CDRT4: variants seen among roughly 807,000 people sequenced by gnomAD.
CDRT4 encodes the protein CMT1A duplicated region transcript 4 protein.
For missense variants in CDRT4, 167 were observed against 193.1 expected (o/e 0.87, Z 0.80); for synonymous variants, 64 against 69.6 (o/e 0.92, Z 0.40).
intron 1 of CDRT4, among the ~76,000 whole-genome samples, chr17:15,465,003 GAC>G (rs573283060): frequency 2.1e-5 from 3 of 142,180 alleles, no homozygotes; most frequent in East Asian, 2.2e-4. Flanking sequence ...ACGCAATACA[GAC>G]ACACACAACA....
intron 2 of CDRT4, among the ~76,000 whole-genome samples, chr17:15,447,843 G>A (rs1979094069): frequency 6.6e-6 from 1 of 152,068 alleles, no homozygotes; most frequent in Admixed American, 6.6e-5. Flanking sequence ...GACATTTTTG[G>A]GGTAGGCTTG....
chr17:15,440,122 G>T lies in CDRT4; in HGVS notation c.31+86C>A, dbSNP rs1373780000. 4.0e-6 allele frequency: 5 copies of T among 1,258,050 alleles called. No individual in the cohort carries two copies. In the African/African-American group the frequency reaches 6.2e-5, roughly 16 times the overall value. The allele number at this position is 1,258,050 out of a possible 1,614,324, so 77.9% of individuals were successfully genotyped here. On this transcript the variant is annotated intron_variant, in intron 3 of 3. Transcript: ENST00000619038. ...ATATTAAAAAAAAAAAAGAGTGGCC[G>T]CCCAGTGGCCTCTTCCCACTGCGAA...
chr17:15,439,642 G>A (rs1329158112), intron 3 of CDRT4, among the ~76,000 whole-genome samples: 2 of 152,166 alleles, frequency 1.3e-5, no homozygotes, highest in African/African-American at 4.8e-5. Context: ...ACCATAACAA[G>A]AGTGGCTGCC....
chr17:15,458,379 G>C (rs1326130673), intron 1 of CDRT4, among the ~76,000 whole-genome samples: 1 of 152,122 alleles, frequency 6.6e-6, no homozygotes, highest in South Asian at 2.1e-4. Flanking sequence ...GGCCTGAACT[G>C]AATTGTTGGA....
chr17:15,461,328 G>T (rs1979738016), intron 1 of CDRT4, among the ~76,000 whole-genome samples: 1 of 152,250 alleles, frequency 6.6e-6, no homozygotes, highest in African/African-American at 2.4e-5. Context: ...CCTTAAGGAA[G>T]TCGGCCTCTG....
At chr17:15,440,911 C>T (rs1309614050) in intron 2 of CDRT4, among the ~76,000 whole-genome samples, 2 of 152,104 alleles carry the variant, frequency 1.3e-5, no homozygotes, top group Non-Finnish European at 2.9e-5. Context: ...GCTGAGCCCA[C>T]CTCCAGAACT....
intron 1 of CDRT4, among the ~76,000 whole-genome samples, chr17:15,454,970 G>C (rs931640281): frequency 3.3e-5 from 5 of 152,114 alleles, no homozygotes; most frequent in African/African-American, 7.2e-5. Context: ...CAAGAACCCT[G>C]AACTATTGGT....
chr17:15,440,544 A>G (rs1978712169), intron 2 of CDRT4, among the ~76,000 whole-genome samples: 1 of 151,932 alleles, frequency 6.6e-6, no homozygotes, highest in South Asian at 2.1e-4. Flanking sequence ...CAGTCTCCTA[A>G]CTTTAAAGGA....
chr17:15,456,276 G>T (rs1979476500), intron 1 of CDRT4, among the ~76,000 whole-genome samples: 1 of 152,164 alleles, frequency 6.6e-6, no homozygotes, highest in South Asian at 2.1e-4. Context: ...GACTAGAGGG[G>T]TTGCAGGTGG....
intron 3 of CDRT4, 102 bp from the exon 4 acceptor site, chr17:15,438,302 C>T: frequency 9.0e-7 from 1 of 1,114,204 alleles, no homozygotes; most frequent in Non-Finnish European, 1.3e-6. Flanking sequence ...TGAAGTCCTC[C>T]CTATTTTGCA....
At position 15,438,137 on chromosome 17, in the gene CDRT4, T is replaced by C. The variant is rs199741582; in HGVS notation, c.95A>G (p.Tyr32Cys). 2.7e-5 allele frequency: 44 copies of C among 1,614,176 alleles called. 1 individual carries two copies. The highest frequency in any genetic ancestry group is 3.1e-5 in the Non-Finnish European group (36 of 1,180,032). ...LLEKHDPWPA[Y>C]VTYTSQTVKR... ...CACTGTCTGAGAGGTATAGGTGACA[T>C]AGGCCGGCCAGGGGTCATGTTTTTC... The change falls in exon 4 of 4, where the codon TAT becomes TGT. Residue 32 changes from tyrosine (Y) to cysteine (C), a missense_variant. Transcript: ENST00000619038.
intron 1 of CDRT4, among the ~76,000 whole-genome samples, chr17:15,460,392 A>G (rs1341723448): frequency 7.3e-6 from 1 of 137,348 alleles, no homozygotes; most frequent in Admixed American, 7.0e-5. Context: ...GACAACTACT[A>G]CTGCTGCTAA....
At chr17:15,465,394 AACAC>A (rs759015122) in intron 1 of CDRT4, among the ~76,000 whole-genome samples, 56 of 147,818 alleles carry the variant, frequency 3.8e-4, no homozygotes, top group Admixed American at 6.1e-4. Context: ...CACACACACC[AACAC>A]ACACACACAA....
intron 1 of CDRT4, among the ~76,000 whole-genome samples, chr17:15,465,079 T>G (rs1220117907): frequency 1.0e-5 from 1 of 99,142 alleles, no homozygotes; most frequent in African/African-American, 4.2e-5. Flanking sequence ...CACACACCAA[T>G]ACAGACACAC....
intron 1 of CDRT4, among the ~76,000 whole-genome samples, chr17:15,459,225 C>T (rs935320367): frequency 6.6e-6 from 1 of 152,072 alleles, no homozygotes; most frequent in African/African-American, 2.4e-5. Flanking sequence ...GCAGGAACCT[C>T]CCCTCCACTC....
intron 2 of CDRT4, chr17:15,443,867 C>A: frequency 1.6e-6 from 1 of 606,736 alleles, no homozygotes; most frequent in South Asian, 1.4e-5. Context: ...AGAACATGAT[C>A]AAGGGTGTCA....
At chr17:15,444,227 C>T (rs761706402) in intron 2 of CDRT4, 42 of 749,060 alleles carry the variant, frequency 5.6e-5, no homozygotes, top group Middle Eastern at 3.9e-4. Context: ...AACAAGATGC[C>T]GGATGATTCC....
intron 1 of CDRT4, among the ~76,000 whole-genome samples, chr17:15,461,020 G>C (rs1309033503): frequency 2.0e-5 from 3 of 152,108 alleles, no homozygotes; most frequent in Admixed American, 6.6e-5. Context: ...TTAAATCTTA[G>C]CTCAATGTTG....
At chr17:15,439,906 C>T (rs1050389592) in intron 3 of CDRT4, among the ~76,000 whole-genome samples, 1 of 151,782 alleles carries the variant, frequency 6.6e-6, no homozygotes, top group Non-Finnish European at 1.5e-5. Context: ...CACTTGGACA[C>T]AGGAAGGGGA....
Sources: gnomAD v4.1 joint callset for allele counts (sites outside exome capture counted in the v4.1 genomes callset) on GRCh38, gnomAD v4.1.1 for gene constraint, MANE v1.5 for transcripts, NCBI Gene and HGNC (gene_info 2026-07-23, HGNC 2026-07-21) for gene names.